The following TMEM131 variants were observed in gnomAD, a reference collection of about 807,000 sequenced individuals.
TMEM131 encodes 2610524E03Rik.
Under a neutral mutation model 211.6 loss-of-function variants are expected in TMEM131, and 66 were observed. The observed-to-expected ratio is 0.31, with a 90% CI of 0.26 to 0.38. The LOEUF is 0.38. Ranked by LOEUF, TMEM131 falls within the 10% of genes least tolerant of loss-of-function variation. The probability of loss-of-function intolerance (pLI) is 1.00; values close to 1 mark genes in which losing one functional copy is unlikely to be tolerated. For missense variants in TMEM131, 2,036 were observed against 2,299.3 expected (o/e 0.89, Z 2.34); for synonymous variants, 844 against 841.3 (o/e 1.00, Z -0.06).
chr2:97,925,681 G>A (rs1307004202), intron 2 of TMEM131, among the ~76,000 whole-genome samples: 2 of 152,046 alleles, frequency 1.3e-5, no homozygotes, highest in South Asian at 2.1e-4. Context: ...GAGTACTACA[G>A]AATAAATTAT....
intron 4 of TMEM131, among the ~76,000 whole-genome samples, chr2:97,864,756 G>A (rs1328584118): frequency 6.6e-6 from 1 of 152,216 alleles, no homozygotes; most frequent in Non-Finnish European, 1.5e-5. Flanking sequence ...GCAAAGGAAA[G>A]TGAGTGTCAA....
intron 12 of TMEM131, among the ~76,000 whole-genome samples, chr2:97,818,374 T>A (rs1159001615): frequency 6.6e-6 from 1 of 151,060 alleles, no homozygotes; most frequent in African/African-American, 2.4e-5. Flanking sequence ...TTGCTAGTGC[T>A]TTTCTATTGC....
At chr2:97,948,942 C>T (rs964637775) in intron 1 of TMEM131, among the ~76,000 whole-genome samples, 4 of 152,190 alleles carry the variant, frequency 2.6e-5, no homozygotes, top group African/African-American at 9.7e-5. Flanking sequence ...CAGGCGTGAG[C>T]CACCGTGCCA....
In TMEM131 at chr2:97,940,400, T is replaced by G. The variant is rs530042853; in HGVS notation, c.188-12913A>C. On this transcript the variant is annotated intron_variant, in intron 1 of 40. Transcript: ENST00000186436. ...AAGAGACAGAGAGCCAAATCATGAG[T>G]GAACTCCCATTCACTATTGCTTCAA... 2.6e-5 allele frequency among the ~76,000 whole-genome samples: 4 copies of G among 152,180 alleles called. No homozygotes were observed. The South Asian group carries it at 8.3e-4, about 32-fold the overall frequency.
chr2:97,877,732 T>C (rs1231221375), intron 4 of TMEM131, among the ~76,000 whole-genome samples: 4 of 152,034 alleles, frequency 2.6e-5, no homozygotes, highest in Non-Finnish European at 4.4e-5. Context: ...CTTAAACATA[T>C]GACCTAGGAC....
chr2:97,884,021 T>C (rs1675039768), intron 4 of TMEM131, among the ~76,000 whole-genome samples: 1 of 152,134 alleles, frequency 6.6e-6, no homozygotes, highest in Non-Finnish European at 1.5e-5. Context: ...AGGTTGTTTA[T>C]TTGAAATCTT....
intron 31 of TMEM131, among the ~76,000 whole-genome samples, chr2:97,777,872 C>T (rs990528197): frequency 2.0e-5 from 3 of 151,858 alleles, no homozygotes; most frequent in African/African-American, 7.3e-5. Context: ...CAACAAAAAA[C>T]AGGCCCCTGA....
At chr2:97,973,501 C>T (rs775920885) in intron 1 of TMEM131, among the ~76,000 whole-genome samples, 39 of 152,116 alleles carry the variant, frequency 2.6e-4, no homozygotes, top group Admixed American at 3.3e-4. Flanking sequence ...GCTGAGAGTC[C>T]GAGGAAACCA....
intron 33 of TMEM131, 109 bp from the exon 34 acceptor site, chr2:97,766,711 T>C (rs149491062): frequency 2.2e-6 from 3 of 1,344,284 alleles, no homozygotes; most frequent in Admixed American, 1.9e-5. Flanking sequence ...AGGAAGCTAA[T>C]GTGGCTTCCT....
chr2:97,942,035 T>C (rs368002199), intron 1 of TMEM131, among the ~76,000 whole-genome samples: 3 of 152,126 alleles, frequency 2.0e-5, no homozygotes, highest in Admixed American at 2.0e-4. Context: ...CATATGTTTA[T>C]TGTGGCACTA....
At chr2:97,912,747 T>C (rs1676337978) in intron 2 of TMEM131, among the ~76,000 whole-genome samples, 1 of 152,122 alleles carries the variant, frequency 6.6e-6, no homozygotes, top group Non-Finnish European at 1.5e-5. Flanking sequence ...CATGCTTCTG[T>C]CATACTTAAG....
chr2:97,884,694 C>T (rs930924951), intron 4 of TMEM131, among the ~76,000 whole-genome samples: 2 of 152,100 alleles, frequency 1.3e-5, no homozygotes, highest in African/African-American at 4.8e-5. Flanking sequence ...CTTTTTATAG[C>T]TTTTTACTTG....
At chr2:97,812,608 A>C in intron 16 of TMEM131, 31 bp downstream of exon 16, 2 of 1,582,556 alleles carry the variant, frequency 1.3e-6, no homozygotes, top group Non-Finnish European at 1.7e-6. Flanking sequence ...AAAATCCTTA[A>C]ATGTGATTTA....
intron 3 of TMEM131, among the ~76,000 whole-genome samples, chr2:97,905,978 T>A (rs1048510645): frequency 6.6e-6 from 1 of 152,210 alleles, no homozygotes; most frequent in Non-Finnish European, 1.5e-5. Context: ...GCATATGTGT[T>A]GATGAAATGA....
At chr2:97,976,459 AAT>A (rs1374445366) in intron 1 of TMEM131, among the ~76,000 whole-genome samples, 7 of 152,326 alleles carry the variant, frequency 4.6e-5, no homozygotes, top group East Asian at 3.9e-4. Flanking sequence ...CTTAGAGATA[AAT>A]ATGACAAAAG....
intron 33 of TMEM131, 22 bp from the exon 34 acceptor site, chr2:97,766,624 A>C (rs748192795): frequency 3.1e-6 from 5 of 1,611,932 alleles, no homozygotes; most frequent in Non-Finnish European, 4.2e-6. Context: ...TCAGGGATGG[A>C]AAATACAAAT....
chr2:97,842,644 G>A (rs542322345), intron 6 of TMEM131, among the ~76,000 whole-genome samples: 1 of 152,106 alleles, frequency 6.6e-6, no homozygotes, highest in Non-Finnish European at 1.5e-5. Flanking sequence ...GTGAGGAGGA[G>A]GGAAGTAAAC....
chr2:97,984,591 C>T (rs1399070249), intron 1 of TMEM131, among the ~76,000 whole-genome samples: 1 of 151,850 alleles, frequency 6.6e-6, no homozygotes, highest in Non-Finnish European at 1.5e-5. Flanking sequence ...TGGTGACAGG[C>T]TCATTTTAAT....
intron 4 of TMEM131, among the ~76,000 whole-genome samples, chr2:97,873,448 C>T (rs2105231737): frequency 6.6e-6 from 1 of 152,362 alleles, no homozygotes; most frequent in East Asian, 1.9e-4. Flanking sequence ...CGTGTATCCT[C>T]ACTGGGAGAA....
Sources: allele counts gnomAD v4.1 joint callset (sites outside exome capture counted in the v4.1 genomes callset), GRCh38; gene constraint gnomAD v4.1.1; transcripts MANE v1.5; gene names NCBI Gene and HGNC (gene_info 2026-07-23, HGNC 2026-07-21).